The following ARHGAP39 variants were observed in gnomAD, a reference collection of about 807,000 sequenced individuals.
ARHGAP39 encodes rho GTPase-activating protein 39.
In ARHGAP39, 44 loss-of-function variants were observed where a neutral mutation model predicts 106.9. The observed-to-expected ratio is 0.41, with a 90% CI of 0.32 to 0.53. ARHGAP39 has a LOEUF of 0.53. Among genes scored for constraint, ARHGAP39 ranks in the 20% least tolerant of loss-of-function variants. The pLI is 0.21. For synonymous variants in ARHGAP39, 768 were observed against 693.2 expected (o/e 1.11, Z -1.69); for missense variants, 1,496 against 1,577.3 (o/e 0.95, Z 0.87).
intron 1 of ARHGAP39, among the ~76,000 whole-genome samples, chr8:144,619,365 C>T (rs1820723784): frequency 6.6e-6 from 1 of 152,234 alleles, no homozygotes; most frequent in South Asian, 2.1e-4. Context: ...TGCATGTGGG[C>T]CTGTGTGTCC....
rs556698397 is a variant in ARHGAP39, at chr8:144,596,815, A to G, written c.80+8720T>C. ...GGCACGTGCTGCAGGAGCGGCCACCATGATAGATCGTCCTCCAGACCCGCA... is the reference window on the plus strand; with the variant it reads ...GGCACGTGCTGCAGGAGCGGCCACCGTGATAGATCGTCCTCCAGACCCGCA... On this transcript the variant is annotated intron_variant, in intron 2 of 11. Transcript: ENST00000377307. Among the ~76,000 whole-genome samples the G allele has an allele frequency of 9.2e-4, 140 of 152,328 alleles. 2 individuals are homozygous for G. Among genetic ancestry groups the G allele is most frequent in the Admixed American group, 2.5e-3 (38 of 15,306 alleles).
chr8:144,690,129 G>A (rs540552777), upstream of ARHGAP39, among the ~76,000 whole-genome samples: 1 of 149,256 alleles, frequency 6.7e-6, no homozygotes, highest in East Asian at 2.0e-4. Flanking sequence ...TTAAGATGGA[G>A]TTTCACTCTT....
At chr8:144,628,816 A>G (rs902130172) in intron 1 of ARHGAP39, among the ~76,000 whole-genome samples, 2 of 152,200 alleles carry the variant, frequency 1.3e-5, no homozygotes, top group African/African-American at 4.8e-5. Flanking sequence ...ATCCTGGTCC[A>G]GCTTCTCACT....
intron 3 of ARHGAP39, among the ~76,000 whole-genome samples, chr8:144,561,727 C>G (rs1370436815): frequency 6.7e-6 from 1 of 149,104 alleles, no homozygotes; most frequent in Non-Finnish European, 1.5e-5. Flanking sequence ...TTCCATCGGA[C>G]TTAATCCAGT....
chr8:144,549,277 G>A (rs1457022398), intron 4 of ARHGAP39, among the ~76,000 whole-genome samples: 1 of 152,242 alleles, frequency 6.6e-6, no homozygotes, highest in African/African-American at 2.4e-5. Context: ...TGCTGTGCAG[G>A]GCGCTGGACC....
At chr8:144,666,674 C>T (rs954709011) in intron 1 of ARHGAP39, among the ~76,000 whole-genome samples, 5 of 152,198 alleles carry the variant, frequency 3.3e-5, no homozygotes, top group African/African-American at 1.2e-4. Flanking sequence ...CGCTATGATT[C>T]TGAGGGCTCC....
chr8:144,529,325 G>T lies in ARHGAP39; in HGVS notation c.*1097C>A. ...AGGCCTCGGCAGGGCTGGGGCTTTT[G>T]TTTTTAATAAATAAAAACGGAACTC... On this transcript the variant is annotated 3_prime_UTR_variant, in exon 12 of 12. Coordinates refer to ENST00000377307, the MANE Select transcript of ARHGAP39 (RefSeq NM_025251.3). 1.2e-5 allele frequency: 2 copies of T among 164,934 alleles called. No homozygotes were observed. Among genetic ancestry groups the T allele is most frequent in the Non-Finnish European group, 2.6e-5 (2 of 77,002 alleles). The allele number at this position is 164,934 out of a possible 1,614,324, so 10.2% of individuals were successfully genotyped here.
the ARHGAP39 span, among the ~76,000 whole-genome samples, chr8:144,696,530 G>GT: frequency 6.6e-6 from 1 of 152,082 alleles, no homozygotes; most frequent in South Asian, 2.1e-4. Flanking sequence ...TGCCTAATCT[G>GT]TTTTTTATAG....
chr8:144,558,185 A>C (rs1818016464), intron 3 of ARHGAP39, among the ~76,000 whole-genome samples: 1 of 152,268 alleles, frequency 6.6e-6, no homozygotes, highest in South Asian at 2.1e-4. Context: ...ATATAAAAGA[A>C]GACTTGAATA....
chr8:144,549,322 C>T (rs922593517), intron 4 of ARHGAP39, among the ~76,000 whole-genome samples: 1 of 152,260 alleles, frequency 6.6e-6, no homozygotes, highest in East Asian at 1.9e-4. Flanking sequence ...GGGGCCCCTC[C>T]ACCACCTTCT....
chr8:144,588,315 C>T (rs573801797), intron 2 of ARHGAP39, among the ~76,000 whole-genome samples: 1 of 152,256 alleles, frequency 6.6e-6, no homozygotes, highest in African/African-American at 2.4e-5. Context: ...TGCATTGAGG[C>T]TCATGGAGGC....
In ARHGAP39 at chr8:144,591,904, G is replaced by A. The variant is rs1298429067; in HGVS notation, c.81-10627C>T. Among the ~76,000 whole-genome samples, 1 of 151,992 alleles carries A rather than the reference G, an allele frequency of 6.6e-6. No individual in the cohort carries two copies. Among genetic ancestry groups the A allele is most frequent in the Non-Finnish European group, 1.5e-5 (1 of 67,986 alleles). On this transcript the variant is annotated intron_variant, in intron 2 of 11. Transcript: ENST00000377307. The surrounding 1 kb of genome is among the most constrained non-coding windows in gnomAD (Gnocchi z 5.3). Reference sequence around the variant, plus strand: ...GCCTGCGGGGAGTGCTGCCTGTGGGGAGTGGTGCCTGTGGGGAGTGGTGCC... The same window carrying A: ...GCCTGCGGGGAGTGCTGCCTGTGGGAAGTGGTGCCTGTGGGGAGTGGTGCC...
chr8:144,601,541 T>C (rs1819946209), intron 2 of ARHGAP39, among the ~76,000 whole-genome samples: 1 of 134,506 alleles, frequency 7.4e-6, no homozygotes, highest in African/African-American at 3.1e-5. Flanking sequence ...TGTGTGTGCA[T>C]GGAGGCGTGC....
At chr8:144,680,153 T>A (rs1822366135) in intron 1 of ARHGAP39, among the ~76,000 whole-genome samples, 1 of 152,206 alleles carries the variant, frequency 6.6e-6, no homozygotes, top group Admixed American at 6.5e-5. Context: ...TCTGCAGTGC[T>A]ATGTCCCTAC....
At chr8:144,694,116 G>C in the ARHGAP39 span, among the ~76,000 whole-genome samples, 24 of 152,322 alleles carry the variant, frequency 1.6e-4, no homozygotes, top group East Asian at 4.6e-3. Context: ...GGATGGCGAG[G>C]GTCTGGGGAC....
intron 3 of ARHGAP39, among the ~76,000 whole-genome samples, chr8:144,561,896 C>T (rs1818184737): frequency 6.8e-6 from 1 of 147,266 alleles, no homozygotes. Flanking sequence ...CAGTGGTTTC[C>T]ATCGCACTCC....
At chr8:144,581,408 G>A (rs763627074) in intron 2 of ARHGAP39, 131 bp from the exon 3 acceptor site, 14 of 1,045,286 alleles carry the variant, frequency 1.3e-5, no homozygotes, top group Non-Finnish European at 1.9e-5. Flanking sequence ...GCAAACCCAA[G>A]CCCAGTCCGC....
rs539933307 is a variant in ARHGAP39 at position 144,658,079 on chromosome 8, T to C, written c.-82+27607A>G. Among the ~76,000 whole-genome samples the C allele has an allele frequency of 1.7e-4, 26 of 152,260 alleles. 1 individual carries two copies. Among genetic ancestry groups the C allele is most frequent in the African/African-American group, 6.3e-4 (26 of 41,534 alleles). ...TTTAAAGTACACAGGATGATATATA[T>C]AGGTTATATATCAATCCTACAGCAT... On this transcript the variant is annotated intron_variant, in intron 1 of 11. Coordinates refer to ENST00000377307, the MANE Select transcript of ARHGAP39 (RefSeq NM_025251.3).
Position 144,591,737 on chromosome 8 carries a change from G to A in ARHGAP39, c.81-10460C>T, listed in dbSNP as rs1371245208. 1.3e-5 allele frequency among the ~76,000 whole-genome samples: 2 copies of A among 152,250 alleles called. No homozygotes were observed. Among genetic ancestry groups the A allele is most frequent in the African/African-American group, 4.8e-5 (2 of 41,468 alleles). On this transcript the variant is annotated intron_variant, in intron 2 of 11. Transcript: ENST00000377307. This position sits in a 1 kb window ranked among gnomAD's most constrained non-coding sequence, Gnocchi z 5.3. The stretch of plus-strand genomic sequence containing the variant: ...GGTCAGAACTCAGGACGCACACCAA[G>A]GACAGGACCACATGGACGCAGGTCA...
Sources: gnomAD v4.1 joint callset for allele counts (sites outside exome capture counted in the v4.1 genomes callset) on GRCh38, gnomAD v4.1.1 for gene constraint, Gnocchi (gnomAD v3.1) non-coding constraint, MANE v1.5 for transcripts, NCBI Gene and HGNC (gene_info 2026-07-23, HGNC 2026-07-21) for gene names.